The following SGK1 variants were observed in gnomAD, a reference collection of about 807,000 sequenced individuals.
SGK1 encodes the protein serum/glucocorticoid regulated kinase 1.
A neutral mutation model predicts 64.2 loss-of-function variants in SGK1; 26 were observed. That is an observed-to-expected ratio of 0.40 (90% confidence interval 0.30 to 0.56). SGK1 has a LOEUF of 0.56. SGK1 is among the 20% of genes least tolerant of loss of function. The pLI is 0.38. For synonymous variants in SGK1, 265 were observed against 239.7 expected (o/e 1.11, Z -0.98); for missense variants, 519 against 645.6 (o/e 0.80, Z 2.12).
chr6:134,291,338 C>T (rs528545580), intron 1 of SGK1, among the ~76,000 whole-genome samples: 1 of 152,176 alleles, frequency 6.6e-6, no homozygotes, highest in South Asian at 2.1e-4. Context: ...CCCAACAGAC[C>T]GGACTAAAAA....
At position 134,262,230 on chromosome 6, in the gene SGK1, G is replaced by A. The variant is rs1020216655; in HGVS notation, c.70-82C>T. 1.2e-5 allele frequency: 12 copies of A among 998,228 alleles called. No individual in the cohort carries two copies. In the African/African-American group the frequency reaches 1.9e-4, roughly 16 times the overall value. The allele number at this position is 998,228 out of a possible 1,614,324, so 61.8% of individuals were successfully genotyped here. On this transcript the variant is annotated intron_variant, in intron 1 of 13. Coordinates refer to ENST00000367858, the MANE Select transcript of SGK1 (RefSeq NM_001143676.3). ...TTGGGGATTTGGTGGGAAATCTGGT[G>A]GGATGGGAGCTCATGAAAGGAGAAC...
chr6:134,311,578 G>A (rs2114802914), intron 1 of SGK1, among the ~76,000 whole-genome samples: 1 of 152,290 alleles, frequency 6.6e-6, no homozygotes, highest in African/African-American at 2.4e-5. Flanking sequence ...TTGAACCTAG[G>A]AGCCAGAGGT....
chr6:134,174,826 G>C lies in SGK1; in HGVS notation c.362-240C>G, dbSNP rs368205570. 5.0e-6 allele frequency: 8 copies of C among 1,613,762 alleles called. No homozygotes were observed. The African/African-American group carries it at 6.7e-5, about 13-fold the overall frequency. On this transcript the variant is annotated intron_variant, in intron 3 of 13. Coordinates refer to ENST00000367858, the MANE Select transcript of SGK1 (RefSeq NM_001143676.3). ...CCGTCATCACCACCGCGGGGAGACA[G>C]AAAGACGTTAGCGCTCAAAGACCGG...
intron 1 of SGK1, among the ~76,000 whole-genome samples, chr6:134,302,031 A>C (rs556305958): frequency 6.4e-4 from 98 of 152,362 alleles, no homozygotes; most frequent in African/African-American, 1.9e-3. Context: ...TTAATGAGAA[A>C]TATTTTAGTG....
intron 1 of SGK1, among the ~76,000 whole-genome samples, chr6:134,300,153 T>G (rs1229212584): frequency 6.6e-6 from 1 of 152,102 alleles, no homozygotes; most frequent in African/African-American, 2.4e-5. Context: ...TTGTCTAAAG[T>G]GCTGTAATTT....
At chr6:134,314,792 GT>G (rs61647029) in intron 1 of SGK1, among the ~76,000 whole-genome samples, 42,748 of 138,744 alleles carry the variant, frequency 0.31, 6,759 homozygotes, top group East Asian at 0.81. Context: ...AGACCCTATG[GT>G]TTTTTTTTTT....
At chr6:134,253,970 C>T (rs759974560) in intron 2 of SGK1, among the ~76,000 whole-genome samples, 1 of 152,088 alleles carries the variant, frequency 6.6e-6, no homozygotes, top group Non-Finnish European at 1.5e-5. Context: ...AATCCTTGCT[C>T]AGCCAAATGT....
chr6:134,185,130 T>C (rs185764473), intron 3 of SGK1, among the ~76,000 whole-genome samples: 5 of 152,362 alleles, frequency 3.3e-5, no homozygotes. Flanking sequence ...ATTTGGCTTA[T>C]AGAAAAGTAT....
intron 3 of SGK1, among the ~76,000 whole-genome samples, chr6:134,200,426 G>A (rs545386231): frequency 1.1e-3 from 161 of 152,246 alleles, no homozygotes; most frequent in African/African-American, 3.8e-3. Flanking sequence ...AACTGAGCAC[G>A]CTAGTCCTGT....
intron 3 of SGK1, chr6:134,177,684 C>T (rs371221859): frequency 4.2e-5 from 68 of 1,613,780 alleles, no homozygotes; most frequent in Non-Finnish European, 5.4e-5. Context: ...GGTTTTATAG[C>T]TTCTTCTTTC....
chr6:134,174,677 A>C lies in SGK1; in HGVS notation c.362-91T>G, dbSNP rs765097198. On this transcript the variant is annotated intron_variant, in intron 3 of 13. Transcript: ENST00000367858. ...ACTAATCTGATCCGGGACTTTCAAA[A>C]AATTTCCACTTTGCGTCTCCTGGAG... The C allele has an allele frequency of 2.5e-6, 4 of 1,613,174 alleles. No homozygotes were observed. The South Asian group carries it at 4.4e-5, about 18-fold the overall frequency.
chr6:134,304,753 A>C (rs928839103), intron 1 of SGK1, among the ~76,000 whole-genome samples: 1 of 152,200 alleles, frequency 6.6e-6, no homozygotes, highest in Non-Finnish European at 1.5e-5. Context: ...AGAGAAAAAA[A>C]AACAAGGCAG....
chr6:134,265,491 A>AAT (rs61232287), intron 1 of SGK1, among the ~76,000 whole-genome samples: 1,912 of 148,020 alleles, frequency 0.013, 52 homozygotes, highest in African/African-American at 0.043. Flanking sequence ...AAACAAAAAA[A>AAT]ATATATATAT....
chr6:134,240,875 C>G (rs527856624), intron 2 of SGK1, among the ~76,000 whole-genome samples: 1 of 151,996 alleles, frequency 6.6e-6, no homozygotes, highest in Non-Finnish European at 1.5e-5. Flanking sequence ...GCAAAGTTGG[C>G]GAAGTTCTTG....
intron 1 of SGK1, among the ~76,000 whole-genome samples, chr6:134,311,176 T>C (rs1214907955): frequency 1.3e-5 from 2 of 152,232 alleles, no homozygotes; most frequent in Non-Finnish European, 2.9e-5. Context: ...GCATTAGATT[T>C]CTGAGCCACC....
At chr6:134,189,834 T>G (rs1417985560) in intron 3 of SGK1, among the ~76,000 whole-genome samples, 1 of 125,002 alleles carries the variant, frequency 8.0e-6, no homozygotes, top group Non-Finnish European at 2.0e-5. Context: ...TTGTAAGTAC[T>G]GTTTTTTTTG....
In SGK1 at chr6:134,263,804, C is replaced by T. The variant is rs186454856; in HGVS notation, c.70-1656G>A. 8.6e-3 allele frequency among the ~76,000 whole-genome samples: 1,306 copies of T among 152,134 alleles called. 10 individuals are homozygous for T. The highest frequency in any genetic ancestry group is 0.014 in the Admixed American group (207 of 15,276). ...GTGAGGTGGCTCACACCTGTAATCCCAGCACTTTAAACTTTGGGAGGCTAA... is the reference window on the plus strand; with the variant it reads ...GTGAGGTGGCTCACACCTGTAATCCTAGCACTTTAAACTTTGGGAGGCTAA... On this transcript the variant is annotated intron_variant, in intron 1 of 13. Transcript: ENST00000367858.
At chr6:134,244,773 G>A (rs1029352123) in intron 2 of SGK1, among the ~76,000 whole-genome samples, 16 of 152,200 alleles carry the variant, frequency 1.1e-4, no homozygotes, top group South Asian at 4.1e-4. Context: ...CATCTTGCCC[G>A]GGAATCTTAT....
rs1775099967 is a variant in SGK1, at chr6:134,173,443, T to G, written c.618+19A>C. The G allele has an allele frequency of 1.9e-6, 3 of 1,591,166 alleles. No individual in the cohort carries two copies. The highest frequency in any genetic ancestry group is 2.6e-6 in the Non-Finnish European group (3 of 1,162,640). On this transcript the variant is annotated intron_variant, in intron 6 of 13. Coordinates refer to ENST00000367858, the MANE Select transcript of SGK1 (RefSeq NM_001143676.3). Reference sequence around the variant, plus strand: ...GACATGAAGGAAGTGTACCAAAAGATCTTCAGATTTGAAATTACCTTTCCA... The same window carrying G: ...GACATGAAGGAAGTGTACCAAAAGAGCTTCAGATTTGAAATTACCTTTCCA...
Sources: allele counts gnomAD v4.1 joint callset (sites outside exome capture counted in the v4.1 genomes callset), GRCh38; gene constraint gnomAD v4.1.1; transcripts MANE v1.5; gene names NCBI Gene and HGNC (gene_info 2026-07-23, HGNC 2026-07-21).